Variants in PDZD2 observed in about 807,000 individuals in gnomAD.
PDZD2 encodes PDZ domain containing 2.
Under a neutral mutation model 220.7 loss-of-function variants are expected in PDZD2, and 90 were observed. The observed-to-expected ratio is 0.41, with a 90% CI of 0.34 to 0.49. The LOEUF (loss-of-function observed/expected upper bound fraction) is 0.49, where lower values mean the gene tolerates loss of function less well. Among genes scored for constraint, PDZD2 ranks in the 20% least tolerant of loss-of-function variants. The pLI, the probability that PDZD2 is intolerant of heterozygous loss-of-function variation, is 0.28. For missense variants in PDZD2, 3,174 were observed against 3,608.5 expected (o/e 0.88, Z 3.08); for synonymous variants, 1,375 against 1,450.5 (o/e 0.95, Z 1.18).
chr5:31,791,948 C>T (rs1344663668), intron 1 of PDZD2, among the ~76,000 whole-genome samples: 2 of 152,108 alleles, frequency 1.3e-5, no homozygotes, highest in African/African-American at 2.4e-5. Context: ...AGCGACTTAA[C>T]GACACAGGGG....
intron 2 of PDZD2, among the ~76,000 whole-genome samples, chr5:31,914,829 G>C (rs1445051124): frequency 5.9e-5 from 9 of 152,160 alleles, no homozygotes; most frequent in African/African-American, 2.2e-4. Flanking sequence ...ATAGAAAGCT[G>C]GTGAAGCAAA....
chr5:32,031,689 G>GA (rs941838720), intron 6 of PDZD2, among the ~76,000 whole-genome samples: 2 of 29,514 alleles, frequency 6.8e-5, no homozygotes, highest in African/African-American at 1.9e-4. Context: ...CCTGAGACCT[G>GA]GGGGGAGAAA....
intron 22 of PDZD2, among the ~76,000 whole-genome samples, 165 bp downstream of exon 22, chr5:32,097,545 G>A (rs528273532): frequency 2.0e-5 from 3 of 152,300 alleles, no homozygotes; most frequent in South Asian, 2.1e-4. Flanking sequence ...TAAGGTTTTC[G>A]TTGACAAAAG....
At chr5:31,927,204 A>T (rs1744866619) in intron 2 of PDZD2, among the ~76,000 whole-genome samples, 1 of 152,202 alleles carries the variant, frequency 6.6e-6, no homozygotes, top group African/African-American at 2.4e-5. Flanking sequence ...ATACCCCTGG[A>T]TCTAAAACAA....
chr5:31,737,528 C>T (rs1054416028), intron 1 of PDZD2, among the ~76,000 whole-genome samples: 1 of 152,124 alleles, frequency 6.6e-6, no homozygotes, highest in Non-Finnish European at 1.5e-5. Context: ...TACTGTACAG[C>T]GTTCACACTA....
intron 2 of PDZD2, among the ~76,000 whole-genome samples, chr5:31,855,405 G>C (rs902652378): frequency 2.0e-5 from 3 of 152,214 alleles, no homozygotes; most frequent in Admixed American, 1.3e-4. Flanking sequence ...AAGTGACTTG[G>C]AGCTGGTTTG....
At position 32,053,764 on chromosome 5, in the gene PDZD2, T is replaced by A. The variant is rs1013768046; in HGVS notation, c.1786-5T>A. 1.3e-6 allele frequency: 2 copies of A among 1,563,452 alleles called. No individual in the cohort carries two copies. Among genetic ancestry groups the A allele is most frequent in the African/African-American group, 2.7e-5 (2 of 73,958 alleles). The stretch of plus-strand genomic sequence containing the variant: ...AACCTGGACTCTCATCTGCTTCGGA[T>A]CTAGGGCCTTGGCTTTAGTATTGCT... On this transcript the variant is annotated splice_region_variant and splice_polypyrimidine_tract_variant and intron_variant, in intron 9 of 24. Coordinates refer to ENST00000438447, the MANE Select transcript of PDZD2 (RefSeq NM_178140.4).
rs1462191163 is a variant in PDZD2 at position 32,059,219 on chromosome 5, TTGAA to T, written c.2201-17_2201-14del. 2 of 1,388,614 alleles carry T rather than the reference TTGAA, an allele frequency of 1.4e-6. No individual in the cohort carries two copies. Among genetic ancestry groups the T allele is most frequent in the Non-Finnish European group, 2.0e-6 (2 of 989,734 alleles). 86.0% of individuals were successfully genotyped at this position (1,388,614 alleles called of 1,614,324 possible). ...TGTGTAATTTTTGTTTTTATTTTCT[TTGAA>T]TGGTGCCTCTCACAGAGCCAAGAGT... On this transcript the variant is annotated splice_polypyrimidine_tract_variant and intron_variant, in intron 12 of 24. Coordinates refer to ENST00000438447, the MANE Select transcript of PDZD2 (RefSeq NM_178140.4).
chr5:31,944,386 G>T (rs1488710658), intron 2 of PDZD2, among the ~76,000 whole-genome samples: 2 of 152,056 alleles, frequency 1.3e-5, no homozygotes, highest in East Asian at 1.9e-4. Flanking sequence ...AATGCTGTAG[G>T]CCTGGAGTGG....
In PDZD2 at chr5:31,849,956, A is replaced by G; in HGVS notation, c.476+50232A>G. Among the ~76,000 whole-genome samples, 2 of 24,978 alleles carry G rather than the reference A, an allele frequency of 8.0e-5. 1 individual carries two copies. Among genetic ancestry groups the G allele is most frequent in the African/African-American group, 6.6e-4 (2 of 3,044 alleles). The allele number at this position is 24,978 out of a possible 152,430, so 16.4% of individuals were successfully genotyped here. On this transcript the variant is annotated intron_variant, in intron 2 of 24. Coordinates refer to ENST00000438447, the MANE Select transcript of PDZD2 (RefSeq NM_178140.4). The stretch of plus-strand genomic sequence containing the variant: ...TACACATATATATATATACATATAT[A>G]TATATACACATATATATATATACAT...
intron 1 of PDZD2, among the ~76,000 whole-genome samples, chr5:31,774,229 C>G (rs1752502591): frequency 6.6e-6 from 1 of 151,924 alleles, no homozygotes. Flanking sequence ...GTGGGTAGTT[C>G]AGATTTGAGC....
intron 1 of PDZD2, among the ~76,000 whole-genome samples, chr5:31,733,674 A>G (rs967979499): frequency 4.6e-5 from 7 of 152,190 alleles, no homozygotes; most frequent in Admixed American, 2.0e-4. Flanking sequence ...CAGAGTGCCA[A>G]CTGGGAACGA....
At chr5:32,007,361 T>C (rs1752911330) in intron 5 of PDZD2, among the ~76,000 whole-genome samples, 1 of 151,194 alleles carries the variant, frequency 6.6e-6, no homozygotes, top group East Asian at 1.9e-4. Context: ...GTATCTGCTA[T>C]GCCTTTACTT....
At chr5:31,950,680 TGTG>T (rs1057371864) in intron 2 of PDZD2, among the ~76,000 whole-genome samples, 1 of 152,194 alleles carries the variant, frequency 6.6e-6, no homozygotes, top group African/African-American at 2.4e-5. Context: ...GTCTGTAAAT[TGTG>T]GCAAACACAA....
intron 2 of PDZD2, chr5:31,855,138 G>C: frequency 2.0e-6 from 2 of 983,958 alleles, no homozygotes; most frequent in Non-Finnish European, 2.4e-6. Flanking sequence ...CTCCGGAGAG[G>C]AACCCTCCGA....
At position 31,715,700 on chromosome 5, in the gene PDZD2, C is replaced by T. The variant is rs555414234; in HGVS notation, c.-361+76263C>T. On this transcript the variant is annotated intron_variant, in intron 1 of 24. Transcript: ENST00000438447. ...CAATTGCTAAGAACAACAGCAGTAACAAGTATAATTTGTTGAGCATTCAAG... is the reference window on the plus strand; with the variant it reads ...CAATTGCTAAGAACAACAGCAGTAATAAGTATAATTTGTTGAGCATTCAAG... 3.3e-5 allele frequency among the ~76,000 whole-genome samples: 5 copies of T among 152,328 alleles called. No homozygotes were observed. The South Asian group carries it at 1.0e-3, about 32-fold the overall frequency.
chr5:32,066,915 A>G (rs1185055077), intron 14 of PDZD2, among the ~76,000 whole-genome samples: 1 of 152,138 alleles, frequency 6.6e-6, no homozygotes, highest in African/African-American at 2.4e-5. Context: ...ATAGTGTTGG[A>G]GCTATGTCCG....
chr5:31,836,924 G>A (rs1281332314), intron 2 of PDZD2, among the ~76,000 whole-genome samples: 1 of 151,962 alleles, frequency 6.6e-6, no homozygotes, highest in Non-Finnish European at 1.5e-5. Flanking sequence ...AGGCTGAGAT[G>A]AGAGAATTGT....
intron 1 of PDZD2, among the ~76,000 whole-genome samples, chr5:31,733,174 G>T (rs1749637605): frequency 6.6e-6 from 1 of 152,180 alleles, no homozygotes; most frequent in South Asian, 2.1e-4. Flanking sequence ...AATTCGGGGT[G>T]GGTTACCTTC....
Sources: gnomAD v4.1 joint callset for allele counts (sites outside exome capture counted in the v4.1 genomes callset) on GRCh38, gnomAD v4.1.1 for gene constraint, MANE v1.5 for transcripts, NCBI Gene and HGNC (gene_info 2026-07-23, HGNC 2026-07-21) for gene names.